Variants in PARP8 observed in about 807,000 individuals in gnomAD.
The protein encoded by PARP8 is poly(ADP-ribose) polymerase family member 8.
In PARP8, 51 loss-of-function variants were observed where a neutral mutation model predicts 124.1. The observed-to-expected ratio is 0.41, with a 90% CI of 0.33 to 0.52. PARP8 has a LOEUF of 0.52. PARP8 is among the 20% of genes least tolerant of loss of function. The pLI is 0.21. For missense variants in PARP8, 860 were observed against 1,018.9 expected (o/e 0.84, Z 2.12); for synonymous variants, 391 against 361.5 (o/e 1.08, Z -0.93).
Position 50,824,897 on chromosome 5 carries a change from C to CT in PARP8, c.1861-4dup, listed in dbSNP as rs541415427. On this transcript the variant is annotated splice_polypyrimidine_tract_variant and intron_variant, in intron 17 of 25. Transcript: ENST00000281631. ...TATGAAAAATCAAGAAGTATAATGACTTTTTTTCAGGCACCATATCTGGAA... is the reference window on the plus strand; with the variant it reads ...TATGAAAAATCAAGAAGTATAATGACTTTTTTTTCAGGCACCATATCTGGAA... 8.1e-4 allele frequency: 1,303 copies of CT among 1,609,984 alleles called. 6 individuals are homozygous for CT. The highest frequency in any genetic ancestry group is 4.8e-4 in the Non-Finnish European group (569 of 1,176,872).
chr5:50,698,702 A>T (rs1456726920), intron 2 of PARP8, among the ~76,000 whole-genome samples: 4 of 152,176 alleles, frequency 2.6e-5, no homozygotes, highest in African/African-American at 9.7e-5. Flanking sequence ...ATGGATTGAG[A>T]ACCCACTGGA....
intron 2 of PARP8, among the ~76,000 whole-genome samples, chr5:50,738,765 G>A (rs1374288732): frequency 2.0e-5 from 3 of 150,012 alleles, no homozygotes; most frequent in African/African-American, 7.4e-5. Flanking sequence ...AATGTTTTAA[G>A]AAAGTTTACA....
In PARP8 at chr5:50,829,983, T is replaced by C. The variant is rs777786218; in HGVS notation, c.2233+22T>C. The C allele has an allele frequency of 5.0e-6, 8 of 1,599,760 alleles. No homozygotes were observed. The East Asian group carries it at 1.3e-4, about 27-fold the overall frequency. On this transcript the variant is annotated intron_variant, in intron 22 of 25. Coordinates refer to ENST00000281631, the MANE Select transcript of PARP8 (RefSeq NM_024615.4). ...TCAGGTAATTCCTGTATTTCATTTC[T>C]AAAGTCACATTTATTAGGTTTTAAT... is the stretch of plus-strand genomic sequence containing the variant.
intron 5 of PARP8, among the ~76,000 whole-genome samples, chr5:50,761,435 C>A (rs1561342447): frequency 6.6e-6 from 1 of 151,708 alleles, no homozygotes. Flanking sequence ...TTAGAGTTGG[C>A]AGGGGAAGTG....
intron 2 of PARP8, among the ~76,000 whole-genome samples, chr5:50,734,874 T>G (rs1757324622): frequency 6.6e-6 from 1 of 152,094 alleles, no homozygotes; most frequent in Non-Finnish European, 1.5e-5. Context: ...AAGACATGGA[T>G]TTACTCTTTA....
intron 9 of PARP8, among the ~76,000 whole-genome samples, chr5:50,782,907 A>C (rs901539076): frequency 3.3e-5 from 5 of 152,206 alleles, no homozygotes; most frequent in Admixed American, 3.3e-4. Context: ...GGAGACCACT[A>C]GGGAAGATGA....
chr5:50,707,259 T>G (rs1339752292), intron 2 of PARP8, among the ~76,000 whole-genome samples: 1 of 152,020 alleles, frequency 6.6e-6, no homozygotes, highest in Non-Finnish European at 1.5e-5. Context: ...CATAAAGATA[T>G]AATCAGTCAG....
intron 2 of PARP8, among the ~76,000 whole-genome samples, chr5:50,742,375 C>T (rs1013485198): frequency 6.6e-6 from 1 of 152,038 alleles, no homozygotes; most frequent in Non-Finnish European, 1.5e-5. Context: ...AACAAAGCCC[C>T]AAATGGAGTG....
intron 7 of PARP8, among the ~76,000 whole-genome samples, chr5:50,777,658 G>A (rs923382271): frequency 6.6e-6 from 1 of 152,002 alleles, no homozygotes; most frequent in Non-Finnish European, 1.5e-5. Flanking sequence ...AAAATTATGG[G>A]TGCATTATTG....
At chr5:50,740,817 GAAA>G in intron 2 of PARP8, among the ~76,000 whole-genome samples, 1 of 123,130 alleles carries the variant, frequency 8.1e-6, no homozygotes, top group South Asian at 2.4e-4. Flanking sequence ...TTTCTCAAAA[GAAA>G]AAAAAAAAAA....
rs1292281995 is a variant in PARP8, at chr5:50,761,910, T to C, written c.423+12T>C. The C allele has an allele frequency of 6.5e-7, 1 of 1,549,702 alleles. No homozygotes were observed. Among genetic ancestry groups the C allele is most frequent in the Non-Finnish European group, 8.9e-7 (1 of 1,127,714 alleles). ...ATTACGGAGGGCAGGTAAGGAAACCTGGTCTTCCAAATACCTAGTCTTAAA... is the reference window on the plus strand; with the variant it reads ...ATTACGGAGGGCAGGTAAGGAAACCCGGTCTTCCAAATACCTAGTCTTAAA... On this transcript the variant is annotated intron_variant, in intron 6 of 25. Transcript: ENST00000281631.
intron 9 of PARP8, among the ~76,000 whole-genome samples, chr5:50,782,193 C>T (rs1036491217): frequency 1.6e-4 from 24 of 152,164 alleles, no homozygotes; most frequent in African/African-American, 5.8e-4. Context: ...CTTTTGCATC[C>T]ATCCTGTAGG....
chr5:50,698,855 A>G (rs1753299763), intron 2 of PARP8, among the ~76,000 whole-genome samples: 1 of 152,210 alleles, frequency 6.6e-6, no homozygotes, highest in South Asian at 2.1e-4. Flanking sequence ...TTTAACTTTG[A>G]ATTAGTTAGC....
intron 7 of PARP8, among the ~76,000 whole-genome samples, chr5:50,766,350 C>T (rs1156844011): frequency 2.0e-5 from 3 of 152,090 alleles, no homozygotes; most frequent in Non-Finnish European, 4.4e-5. Context: ...TTCAACAAAA[C>T]GCATTTTATG....
intron 14 of PARP8, among the ~76,000 whole-genome samples, chr5:50,808,247 A>C (rs1744078813): frequency 6.6e-6 from 1 of 151,642 alleles, no homozygotes; most frequent in Non-Finnish European, 1.5e-5. Flanking sequence ...TCAGTATTTA[A>C]AGGGGAAAGA....
At position 50,697,497 on chromosome 5, in the gene PARP8, C is replaced by T. The variant is rs563294342; in HGVS notation, c.146+29372C>T. On this transcript the variant is annotated intron_variant, in intron 2 of 25. Coordinates refer to ENST00000281631, the MANE Select transcript of PARP8 (RefSeq NM_024615.4). ...CAGAAAGAATCCAAATTATATTTAT[C>T]GTTATCTTTTCTTTTCCTTAAAATT... 1.4e-3 allele frequency among the ~76,000 whole-genome samples: 206 copies of T among 152,266 alleles called. 1 individual carries two copies. Among genetic ancestry groups the T allele is most frequent in the African/African-American group, 4.8e-3 (201 of 41,556 alleles).
At chr5:50,747,565 T>C (rs1758726533) in intron 2 of PARP8, among the ~76,000 whole-genome samples, 1 of 152,032 alleles carries the variant, frequency 6.6e-6, no homozygotes, top group African/African-American at 2.4e-5. Context: ...TGTTATTAGG[T>C]ACATACACAT....
chr5:50,746,040 C>T (rs1004225357), intron 2 of PARP8, among the ~76,000 whole-genome samples: 2 of 152,134 alleles, frequency 1.3e-5, no homozygotes, highest in African/African-American at 4.8e-5. Flanking sequence ...CAATACATAC[C>T]TTTTCACTGA....
chr5:50,730,464 C>A (rs1464935001), intron 2 of PARP8, among the ~76,000 whole-genome samples: 1 of 152,122 alleles, frequency 6.6e-6, no homozygotes, highest in Non-Finnish European at 1.5e-5. Flanking sequence ...ACCATCAGAT[C>A]TCAAGAGAAC....
Sources: allele counts gnomAD v4.1 joint callset (sites outside exome capture counted in the v4.1 genomes callset), GRCh38; gene constraint gnomAD v4.1.1; transcripts MANE v1.5; gene names NCBI Gene and HGNC (gene_info 2026-07-23, HGNC 2026-07-21).